The following MAP3K13 variants were observed in gnomAD, a reference collection of about 807,000 sequenced individuals.
MAP3K13 encodes leucine zipper-bearing kinase.
MAP3K13 carries 52 observed loss-of-function variants against 104.0 expected under a neutral mutation model. The observed-to-expected ratio is 0.50, with a 90% CI of 0.40 to 0.63. The LOEUF is 0.63. MAP3K13 is among the 20% of genes least tolerant of loss of function. The pLI, the probability that MAP3K13 is intolerant of heterozygous loss-of-function variation, is 0.00. For missense variants in MAP3K13, 914 were observed against 1,218.5 expected (o/e 0.75, Z 3.72); for synonymous variants, 394 against 442.2 (o/e 0.89, Z 1.37).
intron 1 of MAP3K13, among the ~76,000 whole-genome samples, chr3:185,388,396 G>A (rs1454216054): frequency 6.6e-6 from 1 of 152,076 alleles, no homozygotes; most frequent in Non-Finnish European, 1.5e-5. Flanking sequence ...CAGCTACTCG[G>A]GAGGATGAGA....
intron 2 of MAP3K13, among the ~76,000 whole-genome samples, chr3:185,354,563 A>AC (rs1553792263): frequency 6.7e-6 from 1 of 149,886 alleles, no homozygotes; most frequent in Non-Finnish European, 1.5e-5. Context: ...CCTCAAGTAG[A>AC]GCTCATCAAG....
At chr3:185,438,287 C>A (rs1169376093) in intron 3 of MAP3K13, among the ~76,000 whole-genome samples, 2 of 139,766 alleles carry the variant, frequency 1.4e-5, no homozygotes, top group African/African-American at 5.2e-5. Context: ...CAGAGTGAGA[C>A]CCTGAAAAAA....
chr3:185,428,475 A>G, intron 1 of MAP3K13, 22 bp from the exon 2 acceptor site: 1 of 1,431,810 alleles, frequency 7.0e-7, no homozygotes, highest in Non-Finnish European at 9.3e-7. Context: ...ATGATCTCTT[A>G]TCTCCCTCCT....
Position 185,395,519 on chromosome 3 carries a change from C to T in MAP3K13, c.-86+32151C>T, listed in dbSNP as rs1162741681. Among the ~76,000 whole-genome samples the T allele has an allele frequency of 1.3e-3, 162 of 128,370 alleles. 2 individuals carry two copies. The highest frequency in any genetic ancestry group is 4.5e-3 in the African/African-American group (155 of 34,414). 84.2% of individuals were successfully genotyped at this position (128,370 alleles called of 152,430 possible). A position where few individuals can be genotyped will look rare whatever the true frequency, so the allele number is the denominator to read the frequency against. ...GACTACAGGCACCCGCCACCACGCC[C>T]GGCTAATTTTTTGTATTTTTAGCAG... On this transcript the variant is annotated intron_variant, in intron 1 of 13. Transcript: ENST00000265026.
Position 185,297,330 on chromosome 3 carries a change from T to C in MAP3K13, c.-86+11687T>C, listed in dbSNP as rs73052853. Among the ~76,000 whole-genome samples, 758 of 152,264 alleles carry C rather than the reference T, an allele frequency of 5.0e-3. 5 individuals carry two copies. Among genetic ancestry groups the C allele is most frequent in the African/African-American group, 0.014 (592 of 41,534 alleles). On this transcript the variant is annotated intron_variant, in intron 2 of 14. Transcript: ENST00000424227. ...GGATATTTTTGAAAGCTGTGAAAAA[T>C]ACCAACCAGCACATCAATTACCCCA...
chr3:185,453,767 T>TA (rs566997710), intron 7 of MAP3K13, among the ~76,000 whole-genome samples: 8 of 129,214 alleles, frequency 6.2e-5, no homozygotes, highest in East Asian at 2.2e-4. Flanking sequence ...AGACTCCGTC[T>TA]AAAAAAAAAA....
At chr3:185,360,595 G>A (rs190774536), upstream of MAP3K13, among the ~76,000 whole-genome samples, 4 of 152,214 alleles carry the variant, frequency 2.6e-5, no homozygotes, top group Admixed American at 2.0e-4. Flanking sequence ...CATGCTAACT[G>A]AGGCCAAGTT....
intron 1 of MAP3K13, among the ~76,000 whole-genome samples, chr3:185,413,809 G>A (rs889107947): frequency 2.0e-5 from 3 of 150,998 alleles, no homozygotes; most frequent in Non-Finnish European, 3.0e-5. Context: ...GCGACAGAGC[G>A]AGATTCCACC....
chr3:185,364,533 A>G (rs995559849), intron 1 of MAP3K13, among the ~76,000 whole-genome samples: 2 of 152,192 alleles, frequency 1.3e-5, no homozygotes, highest in Non-Finnish European at 2.9e-5. Flanking sequence ...TTAGATTTTT[A>G]TATTATCTTT....
intron 2 of MAP3K13, 125 bp downstream of exon 2, chr3:185,429,181 A>G: frequency 1.2e-6 from 1 of 853,116 alleles, no homozygotes; most frequent in African/African-American, 1.7e-5. Flanking sequence ...ACAGATGAAT[A>G]CCTCATTTCA....
At chr3:185,415,476 T>C (rs1006511959) in intron 1 of MAP3K13, among the ~76,000 whole-genome samples, 1 of 152,028 alleles carries the variant, frequency 6.6e-6, no homozygotes, top group African/African-American at 2.4e-5. Context: ...ATTATTCTTA[T>C]GTTTAAAGCA....
chr3:185,313,261 T>C (rs1272950897), intron 2 of MAP3K13, among the ~76,000 whole-genome samples: 2 of 137,662 alleles, frequency 1.5e-5, no homozygotes, highest in African/African-American at 5.3e-5. Flanking sequence ...AAATGAACAA[T>C]AGTACAAGTT....
chr3:185,437,643 T>TTC lies in MAP3K13; in HGVS notation c.659+14_659+15insCT, dbSNP rs2148889279. 1 of 1,337,312 alleles carries TTC rather than the reference T, an allele frequency of 7.5e-7. No homozygotes were observed. Among genetic ancestry groups the TTC allele is most frequent in the East Asian group, 2.7e-5 (1 of 37,484 alleles). 82.8% of individuals were successfully genotyped at this position (1,337,312 alleles called of 1,614,324 possible). ...TCATCGCATTCAAGTAGGTCAAGGC[T>TTC]TTTTTTTTTTAAGAAGTAGACCTAT... On this transcript the variant is annotated intron_variant, in intron 3 of 13. Coordinates refer to ENST00000265026, the MANE Select transcript of MAP3K13 (RefSeq NM_004721.5).
chr3:185,328,428 T>C (rs910035653), intron 2 of MAP3K13, among the ~76,000 whole-genome samples: 2 of 152,136 alleles, frequency 1.3e-5, no homozygotes, highest in African/African-American at 4.8e-5. Flanking sequence ...TTTTGTATTT[T>C]TAATAGAGAC....
chr3:185,465,150 G>A (rs1717336296), intron 8 of MAP3K13, among the ~76,000 whole-genome samples: 1 of 152,144 alleles, frequency 6.6e-6, no homozygotes, highest in African/African-American at 2.4e-5. Flanking sequence ...GCTAATTTTT[G>A]TATTTTTAGT....
chr3:185,318,550 T>A (rs1334198631), intron 2 of MAP3K13, among the ~76,000 whole-genome samples: 1 of 152,204 alleles, frequency 6.6e-6, no homozygotes, highest in Non-Finnish European at 1.5e-5. Flanking sequence ...ATGTTAAAAT[T>A]CTCACATATG....
At position 185,473,412 on chromosome 3, in the gene MAP3K13, C is replaced by T. The variant is rs150518520; in HGVS notation, c.2081C>T (p.Ser694Leu). The T allele has an allele frequency of 1.3e-4, 212 of 1,614,084 alleles. No homozygotes were observed. Among genetic ancestry groups the T allele is most frequent in the Middle Eastern group, 4.9e-4 (3 of 6,084 alleles). ...CATGCTCAGAGACAGCTGCCCGGCTCGAGCCCTGACCTCATCTCCACAGCC... is the reference window on the plus strand; with the variant it reads ...CATGCTCAGAGACAGCTGCCCGGCTTGAGCCCTGACCTCATCTCCACAGCC... ...SNHAQRQLPG[S>L]SPDLISTAMA... is the part of the protein sequence containing the mutation. Residue 694 changes from serine (S) to leucine (L), a missense_variant, in exon 11 of 14, where the codon TCG becomes TTG. Transcript: ENST00000265026. This position sits in a 1 kb window ranked among gnomAD's most constrained non-coding sequence, Gnocchi z 4.9.
intron 7 of MAP3K13, among the ~76,000 whole-genome samples, chr3:185,458,146 A>G (rs1716874577): frequency 6.6e-6 from 1 of 152,114 alleles, no homozygotes; most frequent in Non-Finnish European, 1.5e-5. Context: ...AGATGGGTGG[A>G]TCATTTGAGG....
chr3:185,344,330 T>C (rs538274612), intron 2 of MAP3K13, among the ~76,000 whole-genome samples: 2 of 152,306 alleles, frequency 1.3e-5, no homozygotes, highest in South Asian at 4.1e-4. Context: ...ATGGACGGGC[T>C]TATAGGCAAA....
Sources: allele counts gnomAD v4.1 joint callset (sites outside exome capture counted in the v4.1 genomes callset), GRCh38; gene constraint gnomAD v4.1.1; non-coding constraint Gnocchi (gnomAD v3.1); transcripts MANE v1.5; gene names NCBI Gene and HGNC (gene_info 2026-07-23, HGNC 2026-07-21).